Variants in MAP3K20 observed in about 807,000 individuals in gnomAD.
MAP3K20 encodes HCCS-4.
MAP3K20 carries 40 observed loss-of-function variants against 85.7 expected under a neutral mutation model. That is an observed-to-expected ratio of 0.47 (90% CI 0.36 to 0.61). The LOEUF is 0.61. Among genes scored for constraint, MAP3K20 ranks in the 20% least tolerant of loss-of-function variants. The pLI, the probability that MAP3K20 is intolerant of heterozygous loss-of-function variation, is 0.00. For missense variants in MAP3K20, 817 were observed against 961.7 expected, an observed-to-expected ratio of 0.85 and a Z score of 1.99; for synonymous variants, 325 against 327.7, an observed-to-expected ratio of 0.99 and a Z score of 0.09.
chr2:173,254,097 T>C (rs1322182386), intron 16 of MAP3K20, among the ~76,000 whole-genome samples: 2 of 145,216 alleles, frequency 1.4e-5, no homozygotes, highest in African/African-American at 2.6e-5. Context: ...AATCTTACCC[T>C]GGTCAAAGTG....
intron 10 of MAP3K20, chr2:173,212,797 C>CAAAAAA (rs61126157): frequency 2.4e-4 from 24 of 100,950 alleles, no homozygotes; most frequent in Non-Finnish European, 3.4e-4. Context: ...AGATCCTATT[C>CAAAAAA]AAAAAAAAAA....
chr2:173,135,054 A>C (rs764966741), intron 2 of MAP3K20, among the ~76,000 whole-genome samples: 7 of 152,192 alleles, frequency 4.6e-5, no homozygotes, highest in Non-Finnish European at 1.0e-4. Context: ...TGTTCGATAC[A>C]TTTTGGCTAC....
At chr2:173,171,608 G>C (rs1462215638) in intron 3 of MAP3K20, among the ~76,000 whole-genome samples, 1 of 152,186 alleles carries the variant, frequency 6.6e-6, no homozygotes, top group Non-Finnish European at 1.5e-5. Context: ...TCATCTGAAA[G>C]AGGGAGAAAG....
intron 1 of MAP3K20, among the ~76,000 whole-genome samples, chr2:173,083,542 A>T (rs1329664947): frequency 6.6e-6 from 1 of 150,834 alleles, no homozygotes; most frequent in Non-Finnish European, 1.5e-5. Flanking sequence ...TTTAGTGATT[A>T]AAAAAAAATA....
At position 173,263,616 on chromosome 2, in the gene MAP3K20, C is replaced by A. The variant is rs563483392; in HGVS notation, c.1552-129C>A. On this transcript the variant is annotated intron_variant, in intron 18 of 19. Transcript: ENST00000375213. ...TTTCCTAGTGCATTATGATAGTGTTCTAAGAGGTGAAACTGAAGTGATATA... is the reference window on the plus strand; with the variant it reads ...TTTCCTAGTGCATTATGATAGTGTTATAAGAGGTGAAACTGAAGTGATATA... 7.1e-4 allele frequency: 631 copies of A among 887,560 alleles called. 9 individuals are homozygous for A. The South Asian group carries it at 9.7e-3, about 14-fold the overall frequency. The allele number at this position is 887,560 out of a possible 1,614,324, so 55.0% of individuals were successfully genotyped here.
chr2:173,199,139 A>G (rs1690949351), intron 8 of MAP3K20, among the ~76,000 whole-genome samples: 1 of 152,226 alleles, frequency 6.6e-6, no homozygotes, highest in Non-Finnish European at 1.5e-5. Context: ...TTAATGCTCT[A>G]AAAGAATTAG....
intron 2 of MAP3K20, among the ~76,000 whole-genome samples, chr2:173,110,929 C>A (rs1687957239): frequency 6.6e-6 from 1 of 152,128 alleles, no homozygotes; most frequent in Non-Finnish European, 1.5e-5. Flanking sequence ...GACTTCTTTT[C>A]CTTTGGGTAG....
chr2:173,134,426 ATATT>A lies in MAP3K20; in HGVS notation c.160-35377_160-35374del, dbSNP rs1688736073. Among the ~76,000 whole-genome samples the A allele has an allele frequency of 4.3e-4, 2 of 4,676 alleles. 1 individual carries two copies. The highest frequency in any genetic ancestry group is 1.3e-3 in the African/African-American group (2 of 1,588). 3.1% of individuals were successfully genotyped at this position (4,676 alleles called of 152,430 possible). A position where few individuals can be genotyped will look rare whatever the true frequency, so the allele number is the denominator to read the frequency against. On this transcript the variant is annotated intron_variant, in intron 2 of 19. Coordinates refer to ENST00000375213, the MANE Select transcript of MAP3K20 (RefSeq NM_016653.3). ...TATATATATATATATATATATATAT[ATATT>A]TTTTTTTTTTTTTTTTTGCAGAGAC...
chr2:173,220,618 A>T (rs1452359514), intron 11 of MAP3K20, among the ~76,000 whole-genome samples: 6 of 152,236 alleles, frequency 3.9e-5, no homozygotes, highest in Admixed American at 1.3e-4. Context: ...GTATATTCAG[A>T]GTACTAATCC....
Position 173,222,276 on chromosome 2 carries a change from A to G in MAP3K20, c.987+5026A>G, listed in dbSNP as rs878930706. ...AATACTGAGATGATCTAAGAAGGTTATAACAAAATGCTCTTCAGAAATACC... is the reference window on the plus strand; with the variant it reads ...AATACTGAGATGATCTAAGAAGGTTGTAACAAAATGCTCTTCAGAAATACC... On this transcript the variant is annotated intron_variant, in intron 11 of 19. Transcript: ENST00000375213. 7 of 985,804 alleles carry G rather than the reference A, an allele frequency of 7.1e-6. No homozygotes were observed. In the African/African-American group the frequency reaches 8.7e-5, roughly 12 times the overall value. The allele number at this position is 985,804 out of a possible 1,614,324, so 61.1% of individuals were successfully genotyped here. A position where few individuals can be genotyped will look rare whatever the true frequency, so the allele number is the denominator to read the frequency against.
chr2:173,121,222 G>A (rs1005800667), intron 2 of MAP3K20, among the ~76,000 whole-genome samples: 1 of 152,144 alleles, frequency 6.6e-6, no homozygotes, highest in Non-Finnish European at 1.5e-5. Context: ...GGGATATGGG[G>A]TGAGACTACT....
At chr2:173,084,575 A>G (rs74265828) in intron 1 of MAP3K20, among the ~76,000 whole-genome samples, 1 of 152,220 alleles carries the variant, frequency 6.6e-6, no homozygotes, top group African/African-American at 2.4e-5. Context: ...AAAGAATTAG[A>G]AAATAGGCAA....
chr2:173,096,925 A>T lies in MAP3K20; in HGVS notation c.159+5735A>T, dbSNP rs954599881. ...ATTGTATCTTTTTGATGAATTCCAGATGAGCTGGGATCAAATTGAACTGCT... is the reference window on the plus strand; with the variant it reads ...ATTGTATCTTTTTGATGAATTCCAGTTGAGCTGGGATCAAATTGAACTGCT... On this transcript the variant is annotated intron_variant, in intron 2 of 19. Coordinates refer to ENST00000375213, the MANE Select transcript of MAP3K20 (RefSeq NM_016653.3). Among the ~76,000 whole-genome samples the T allele has an allele frequency of 7.2e-5, 11 of 152,332 alleles. No homozygotes were observed. The South Asian group carries it at 2.3e-3, about 32-fold the overall frequency.
chr2:173,150,307 T>G (rs537162078), intron 2 of MAP3K20, among the ~76,000 whole-genome samples: 1 of 152,208 alleles, frequency 6.6e-6, no homozygotes, highest in Non-Finnish European at 1.5e-5. Context: ...TCTCAGTATA[T>G]CTTGGTCTTT....
intron 2 of MAP3K20, among the ~76,000 whole-genome samples, chr2:173,150,300 C>T (rs143891941): frequency 6.6e-6 from 1 of 152,322 alleles, no homozygotes; most frequent in East Asian, 1.9e-4. Context: ...GTGGTCATCT[C>T]AGTATATCTT....
chr2:173,208,429 T>TA (rs886777834), intron 9 of MAP3K20, among the ~76,000 whole-genome samples: 3 of 151,710 alleles, frequency 2.0e-5, no homozygotes, highest in African/African-American at 7.3e-5. Context: ...TAAAACCTGA[T>TA]ACATGCTGGG....
chr2:173,131,051 C>T (rs1419460284), intron 2 of MAP3K20, among the ~76,000 whole-genome samples: 3 of 152,266 alleles, frequency 2.0e-5, no homozygotes, highest in South Asian at 2.1e-4. Flanking sequence ...GGCATTTGCA[C>T]AGTTTTTGTC....
chr2:173,176,317 T>TA (rs1271738831), intron 3 of MAP3K20, among the ~76,000 whole-genome samples: 1 of 152,084 alleles, frequency 6.6e-6, no homozygotes, highest in South Asian at 2.1e-4. Context: ...TGAATAAAAA[T>TA]AAAAACATAA....
At chr2:173,081,804 G>T (rs3769206) in intron 1 of MAP3K20, among the ~76,000 whole-genome samples, 1 of 152,108 alleles carries the variant, frequency 6.6e-6, no homozygotes, top group African/African-American at 2.4e-5. Flanking sequence ...CCTCAGAAAA[G>T]GAGGGAGACC....
Sources: gnomAD v4.1 joint callset for allele counts (sites outside exome capture counted in the v4.1 genomes callset) on GRCh38, gnomAD v4.1.1 for gene constraint, MANE v1.5 for transcripts, NCBI Gene and HGNC (gene_info 2026-07-23, HGNC 2026-07-21) for gene names.